The following BICC1 variants were observed in gnomAD, a reference collection of about 807,000 sequenced individuals.
The protein encoded by BICC1 is protein bicaudal C homolog 1.
A neutral mutation model predicts 111.0 loss-of-function variants in BICC1; 43 were observed. That is an observed-to-expected ratio of 0.39 (90% CI 0.30 to 0.50). BICC1 has a LOEUF of 0.50. Ranked by LOEUF, BICC1 falls within the 20% of genes least tolerant of loss-of-function variation. BICC1 has a pLI of 0.88. For missense variants in BICC1, 1,091 were observed against 1,203.2 expected (o/e 0.91, Z 1.38); for synonymous variants, 467 against 434.4 (o/e 1.07, Z -0.93).
chr10:58,747,850 G>T (rs1010880326), intron 3 of BICC1, among the ~76,000 whole-genome samples: 1 of 152,066 alleles, frequency 6.6e-6, no homozygotes, highest in Non-Finnish European at 1.5e-5. Flanking sequence ...CTGGCCAGCT[G>T]CCTGTGTTTG....
At chr10:58,588,975 T>C (rs1476731520) in intron 1 of BICC1, among the ~76,000 whole-genome samples, 1 of 152,096 alleles carries the variant, frequency 6.6e-6, no homozygotes, top group East Asian at 1.9e-4. Context: ...TTTTTAGTGC[T>C]AAAAGGAGGG....
chr10:58,541,534 A>T (rs7087528), intron 1 of BICC1, among the ~76,000 whole-genome samples: 74,487 of 151,912 alleles, frequency 0.49, 18,513 homozygotes, highest in South Asian at 0.55. Flanking sequence ...ACTACAAAAC[A>T]TTGCAGAAAA....
chr10:58,571,030 T>C (rs1396613956), intron 1 of BICC1, among the ~76,000 whole-genome samples: 1 of 152,182 alleles, frequency 6.6e-6, no homozygotes, highest in African/African-American at 2.4e-5. Flanking sequence ...CTCATTTCTT[T>C]ACCATTGCTG....
At chr10:58,512,779 T>A (rs975673033), upstream of BICC1, among the ~76,000 whole-genome samples, 2 of 151,114 alleles carry the variant, frequency 1.3e-5, no homozygotes, top group African/African-American at 4.8e-5. Flanking sequence ...CCCCGTGGGC[T>A]GGCCGGGCCA....
chr10:58,688,381 C>G (rs1486175393), intron 2 of BICC1, among the ~76,000 whole-genome samples: 2 of 152,004 alleles, frequency 1.3e-5, no homozygotes, highest in Non-Finnish European at 2.9e-5. Flanking sequence ...TTACAGAGTG[C>G]TGATTGGTGT....
intron 1 of BICC1, among the ~76,000 whole-genome samples, chr10:58,523,472 A>T (rs947578150): frequency 9.2e-5 from 14 of 152,262 alleles, no homozygotes; most frequent in Non-Finnish European, 1.8e-4. Flanking sequence ...ATCTCAATAG[A>T]TGCAGAAAAG....
intron 3 of BICC1, among the ~76,000 whole-genome samples, chr10:58,723,414 T>C (rs1437898006): frequency 6.6e-6 from 1 of 152,136 alleles, no homozygotes; most frequent in African/African-American, 2.4e-5. Flanking sequence ...CTTGCCAAGA[T>C]GAACTGAATA....
intron 2 of BICC1, among the ~76,000 whole-genome samples, chr10:58,669,876 G>A (rs1554819817): frequency 6.6e-6 from 1 of 151,490 alleles, no homozygotes; most frequent in South Asian, 2.1e-4. Flanking sequence ...GATTTCAAAC[G>A]GCATTAAAAT....
At chr10:58,763,811 G>A (rs962010701) in intron 3 of BICC1, among the ~76,000 whole-genome samples, 1 of 151,962 alleles carries the variant, frequency 6.6e-6, no homozygotes, top group Admixed American at 6.6e-5. Context: ...GGGAGGCTTG[G>A]AATAGAGGCC....
In BICC1 at chr10:58,790,068, A is replaced by G. The variant is rs933776285; in HGVS notation, c.1047+135A>G. Reference sequence around the variant, plus strand: ...TCGTCAAATAAGGAAGTTTCTTGCTAAAAGGAAATAAACTGGAAGAGTAAT... The same window carrying G: ...TCGTCAAATAAGGAAGTTTCTTGCTGAAAGGAAATAAACTGGAAGAGTAAT... On this transcript the variant is annotated intron_variant, in intron 8 of 20. Transcript: ENST00000373886. The G allele has an allele frequency of 7.1e-5, 68 of 960,920 alleles. 1 individual carries two copies. The South Asian group carries it at 1.1e-3, about 15-fold the overall frequency. The allele number at this position is 960,920 out of a possible 1,614,324, so 59.5% of individuals were successfully genotyped here. A position where few individuals can be genotyped will look rare whatever the true frequency, so the allele number is the denominator to read the frequency against.
chr10:58,716,277 G>T, intron 3 of BICC1: 1 of 1,501,166 alleles, frequency 6.7e-7, no homozygotes, highest in Non-Finnish European at 9.0e-7. Flanking sequence ...TTCAAGTCCT[G>T]ACTCACCATA....
At chr10:58,607,264 C>T (rs1016045740) in intron 1 of BICC1, among the ~76,000 whole-genome samples, 4 of 134,454 alleles carry the variant, frequency 3.0e-5, no homozygotes, top group African/African-American at 5.2e-5. Flanking sequence ...TGCAGTGAGC[C>T]GAGATTGTGC....
Position 58,820,461 on chromosome 10 carries a change from A to G in BICC1, c.2787A>G (p.Ala929=), listed in dbSNP as rs1844221865. The change falls in exon 20 of 21, where the codon GCA becomes GCG. Residue 929 remains alanine, a synonymous_variant. Transcript: ENST00000373886. The part of the protein sequence containing the change: ...TFGARRKMLL[A]ISELNKNRRK... The stretch of plus-strand genomic sequence containing the variant: ...GTGCCAGGAGGAAAATGCTGCTTGC[A>G]ATTTCAGGTGAATATAAATATTCAA... 6 of 1,601,976 alleles carry G rather than the reference A, an allele frequency of 3.7e-6. No individual in the cohort carries two copies. The South Asian group carries it at 6.6e-5, about 18-fold the overall frequency.
intron 1 of BICC1, among the ~76,000 whole-genome samples, chr10:58,541,215 A>C (rs1262126880): frequency 6.6e-6 from 1 of 152,126 alleles, no homozygotes; most frequent in Non-Finnish European, 1.5e-5. Context: ...CCAAGCAGGC[A>C]AGAAAAACAA....
chr10:58,816,284 TC>T (rs1844084813), intron 18 of BICC1, among the ~76,000 whole-genome samples: 2 of 152,172 alleles, frequency 1.3e-5, no homozygotes, highest in African/African-American at 4.8e-5. Flanking sequence ...TAGTCACTCC[TC>T]CTCAAACTGT....
At chr10:58,549,683 GT>G (rs1843241678) in intron 1 of BICC1, among the ~76,000 whole-genome samples, 1 of 141,010 alleles carries the variant, frequency 7.1e-6, no homozygotes, top group Non-Finnish European at 1.5e-5. Flanking sequence ...TTGTTTGTTT[GT>G]TTTTTTCTTT....
At chr10:58,680,025 G>C (rs1345601344) in intron 2 of BICC1, among the ~76,000 whole-genome samples, 5 of 152,186 alleles carry the variant, frequency 3.3e-5, no homozygotes, top group Non-Finnish European at 7.3e-5. Flanking sequence ...ACTAGGTATA[G>C]ATGGAACGTA....
intron 2 of BICC1, among the ~76,000 whole-genome samples, chr10:58,692,743 T>C (rs1839948032): frequency 6.6e-6 from 1 of 152,122 alleles, no homozygotes; most frequent in Admixed American, 6.6e-5. Context: ...TTCCAGTGTT[T>C]CATCCTGTGT....
At chr10:58,623,829 C>T (rs746641894) in intron 2 of BICC1, among the ~76,000 whole-genome samples, 2 of 152,002 alleles carry the variant, frequency 1.3e-5, no homozygotes, top group Non-Finnish European at 2.9e-5. Context: ...TCCTCTCACA[C>T]TCTATGGGAG....
Sources: allele counts gnomAD v4.1 joint callset (sites outside exome capture counted in the v4.1 genomes callset), GRCh38; gene constraint gnomAD v4.1.1; transcripts MANE v1.5; gene names NCBI Gene and HGNC (gene_info 2026-07-23, HGNC 2026-07-21).